The following HTR1E variants were observed in gnomAD, a reference collection of about 807,000 sequenced individuals.
HTR1E encodes 5-hydroxytryptamine receptor 1E, also known as 5-HT-1E.
In HTR1E, 3 loss-of-function variants were observed where a neutral mutation model predicts 3.4. The ratio of observed to expected loss-of-function variants is 0.89; its 90% CI spans 0.41 to 2.31. HTR1E has a LOEUF of 2.31. Among genes scored for constraint, HTR1E ranks in the 30% most tolerant of loss-of-function variants. The pLI is 0.05. For synonymous variants in HTR1E, 170 were observed against 182.8 expected (o/e 0.93, Z 0.56); for missense variants, 392 against 467.0 (o/e 0.84, Z 1.48).
At chr6:87,005,794 A>C (rs1157182330) in intron 1 of HTR1E, among the ~76,000 whole-genome samples, 3 of 152,220 alleles carry the variant, frequency 2.0e-5, no homozygotes, top group African/African-American at 7.2e-5. Flanking sequence ...CAAAGTGAAG[A>C]GATAACCCAC....
intron 1 of HTR1E, among the ~76,000 whole-genome samples, chr6:86,979,822 G>T (rs1381247075): frequency 6.6e-6 from 1 of 152,168 alleles, no homozygotes; most frequent in Non-Finnish European, 1.5e-5. Context: ...TTGACAACAG[G>T]AGAAGCCATT....
intron 1 of HTR1E, among the ~76,000 whole-genome samples, chr6:86,939,394 A>G (rs536009003): frequency 6.6e-6 from 1 of 152,356 alleles, no homozygotes; most frequent in South Asian, 2.1e-4. Context: ...AGAGAGCTAT[A>G]TAGAGAAACT....
chr6:86,943,778 A>T (rs1768578581), intron 1 of HTR1E, among the ~76,000 whole-genome samples: 1 of 152,218 alleles, frequency 6.6e-6, no homozygotes, highest in African/African-American at 2.4e-5. Context: ...GCTATTTATG[A>T]GGATTAAATG....
chr6:86,939,856 TG>T (rs1768520964), intron 1 of HTR1E, among the ~76,000 whole-genome samples: 1 of 152,228 alleles, frequency 6.6e-6, no homozygotes, highest in Non-Finnish European at 1.5e-5. Flanking sequence ...CCCAAGGGAA[TG>T]GTGCCTACCT....
intron 1 of HTR1E, among the ~76,000 whole-genome samples, chr6:87,009,225 T>C (rs918099313): frequency 6.7e-6 from 1 of 150,194 alleles, no homozygotes; most frequent in Non-Finnish European, 1.5e-5. Flanking sequence ...GCAGTGTTTG[T>C]GTCCCTGATT....
chr6:86,983,518 T>G (rs1767741127), intron 1 of HTR1E, among the ~76,000 whole-genome samples: 1 of 152,142 alleles, frequency 6.6e-6, no homozygotes, highest in Non-Finnish European at 1.5e-5. Flanking sequence ...CTGGGACAAG[T>G]AATGAGAAAG....
At chr6:86,993,912 A>G (rs1176902048) in intron 1 of HTR1E, among the ~76,000 whole-genome samples, 1 of 152,182 alleles carries the variant, frequency 6.6e-6, no homozygotes, top group African/African-American at 2.4e-5. Flanking sequence ...ATAAAATAAC[A>G]GAAAATCTTG....
intron 1 of HTR1E, among the ~76,000 whole-genome samples, chr6:86,951,627 A>C (rs1172841146): frequency 2.0e-5 from 3 of 152,200 alleles, no homozygotes; most frequent in Admixed American, 6.5e-5. Flanking sequence ...ACTGATGATA[A>C]TGTTTCCCTT....
At chr6:86,957,043 T>C (rs1424460541) in intron 1 of HTR1E, among the ~76,000 whole-genome samples, 2 of 152,226 alleles carry the variant, frequency 1.3e-5, no homozygotes, top group Admixed American at 6.5e-5. Flanking sequence ...TGTCGTTTAG[T>C]ATAGAAAACA....
At chr6:86,981,205 G>A (rs1041985297) in intron 1 of HTR1E, among the ~76,000 whole-genome samples, 1 of 152,158 alleles carries the variant, frequency 6.6e-6, no homozygotes, top group African/African-American at 2.4e-5. Flanking sequence ...CATAGCTAAT[G>A]GGAACATCCA....
At chr6:87,004,175 AC>A (rs1173293356) in intron 1 of HTR1E, among the ~76,000 whole-genome samples, 1 of 152,224 alleles carries the variant, frequency 6.6e-6, no homozygotes, top group Non-Finnish European at 1.5e-5. Context: ...ATTTTACCAA[AC>A]ATTTAAAGAA....
At chr6:86,992,801 A>G (rs1249028892) in intron 1 of HTR1E, among the ~76,000 whole-genome samples, 1 of 152,204 alleles carries the variant, frequency 6.6e-6, no homozygotes, top group African/African-American at 2.4e-5. Context: ...GCTTCCAAAG[A>G]TTAAGTAACT....
intron 1 of HTR1E, among the ~76,000 whole-genome samples, chr6:86,995,688 G>GAAAAAAAAAAAAAAAAAAAAAAAAA: frequency 1.8e-5 from 1 of 55,206 alleles, no homozygotes; most frequent in Non-Finnish European, 3.8e-5. Context: ...AAAAAAAAAA[G>GAAAAAAAAAAAAAAAAAAAAAAAAA]AAAAAAAAAA....
intron 1 of HTR1E, among the ~76,000 whole-genome samples, chr6:86,953,358 A>G (rs886463119): frequency 1.3e-5 from 2 of 152,272 alleles, no homozygotes; most frequent in African/African-American, 4.8e-5. Flanking sequence ...ATTTAAGTCA[A>G]TTTTGGAGAT....
At chr6:86,948,172 T>G (rs979216020) in intron 1 of HTR1E, among the ~76,000 whole-genome samples, 1 of 152,228 alleles carries the variant, frequency 6.6e-6, no homozygotes, top group Non-Finnish European at 1.5e-5. Context: ...CCGAGAATGA[T>G]GGCTTCCAGC....
intron 1 of HTR1E, among the ~76,000 whole-genome samples, chr6:86,955,277 A>G (rs62440832): frequency 0.036 from 5,470 of 152,252 alleles, 102 homozygotes; most frequent in Middle Eastern, 0.058. Flanking sequence ...TTTAGACTTC[A>G]TGTATTTTCT....
intron 1 of HTR1E, among the ~76,000 whole-genome samples, chr6:86,973,553 C>T (rs1186680866): frequency 6.6e-6 from 1 of 152,116 alleles, no homozygotes; most frequent in Non-Finnish European, 1.5e-5. Context: ...AGAGACTTTC[C>T]AAAAGACCCG....
chr6:86,950,381 C>T lies in HTR1E; in HGVS notation c.-186+12558C>T, dbSNP rs552286126. Among the ~76,000 whole-genome samples, 13 of 152,086 alleles carry T rather than the reference C, an allele frequency of 8.5e-5. No individual in the cohort carries two copies. The South Asian group carries it at 2.1e-3, about 24-fold the overall frequency. On this transcript the variant is annotated intron_variant, in intron 1 of 1. Coordinates refer to ENST00000305344, the MANE Select transcript of HTR1E (RefSeq NM_000865.3). ...AAAGTTCTGATAGAGATGAAGTGCA[C>T]GGAAGGAATGACAGTGTGGTGGGAA... is the stretch of plus-strand genomic sequence containing the variant.
intron 1 of HTR1E, among the ~76,000 whole-genome samples, chr6:87,006,111 A>G (rs1476825595): frequency 6.6e-6 from 1 of 152,248 alleles, no homozygotes; most frequent in Non-Finnish European, 1.5e-5. Flanking sequence ...AGAAAATGGA[A>G]TCCTTGTACA....
Sources: allele counts gnomAD v4.1 joint callset (sites outside exome capture counted in the v4.1 genomes callset), GRCh38; gene constraint gnomAD v4.1.1; transcripts MANE v1.5; gene names NCBI Gene and HGNC (gene_info 2026-07-23, HGNC 2026-07-21).